PDCD11: variants seen among roughly 807,000 people sequenced by gnomAD.
The protein encoded by PDCD11 is protein RRP5 homolog.
PDCD11 carries 97 observed loss-of-function variants against 198.9 expected under a neutral mutation model. The ratio of observed to expected loss-of-function variants is 0.49; its 90% confidence interval spans 0.41 to 0.58. The LOEUF is 0.58. Among genes scored for constraint, PDCD11 ranks in the 20% least tolerant of loss-of-function variants. The probability of loss-of-function intolerance (pLI) is 0.00; values close to 1 mark genes in which losing one functional copy is unlikely to be tolerated. For synonymous variants in PDCD11, 893 were observed against 918.0 expected, an observed-to-expected ratio of 0.97 and a Z score of 0.49; for missense variants, 2,102 against 2,312.7, an observed-to-expected ratio of 0.91 and a Z score of 1.87.
At chr10:103,434,074 G>A in intron 23 of PDCD11, 37 bp downstream of exon 23, 6 of 1,543,884 alleles carry the variant, frequency 3.9e-6, no homozygotes, top group Non-Finnish European at 5.4e-6. Flanking sequence ...GGGGACCCAA[G>A]TTCCCTAAGC....
Position 103,417,793 on chromosome 10 carries a change from T to G in PDCD11, c.1772T>G (p.Val591Gly), listed in dbSNP as rs545102450. The G allele has an allele frequency of 6.2e-7, 1 of 1,613,122 alleles. No individual in the cohort carries two copies. The highest frequency in any genetic ancestry group is 2.2e-5 in the East Asian group (1 of 44,882). The change falls in exon 14 of 36, where the codon GTG becomes GGG. Residue 591 changes from valine to glycine, a missense_variant and splice_region_variant. Coordinates refer to ENST00000369797, the MANE Select transcript of PDCD11 (RefSeq NM_014976.2). Reference protein sequence around the residue: ...DPERVFYTGQVVKVVVLNCEP... With the variant: ...DPERVFYTGQGVKVVVLNCEP... Reference sequence around the variant, plus strand: ...CAAGCCTGTGTGGTTTCTTGCCAGGTGGTGAAGGTTGTCGTATTGAACTGT... The same window carrying G: ...CAAGCCTGTGTGGTTTCTTGCCAGGGGGTGAAGGTTGTCGTATTGAACTGT...
At chr10:103,423,514 G>T in intron 18 of PDCD11, 29 bp from the exon 19 acceptor site, 1 of 1,496,918 alleles carries the variant, frequency 6.7e-7, no homozygotes, top group East Asian at 2.3e-5. Flanking sequence ...GTTCCAGAAG[G>T]ATAATCACAC....
intron 16 of PDCD11, among the ~76,000 whole-genome samples, chr10:103,420,022 T>C (rs2031338883): frequency 7.2e-6 from 1 of 139,682 alleles, no homozygotes; most frequent in Non-Finnish European, 1.5e-5. Flanking sequence ...GGTCTTGAAC[T>C]CCTGACCTTA....
intron 14 of PDCD11, among the ~76,000 whole-genome samples, 156 bp downstream of exon 14, chr10:103,418,088 T>C (rs568876553): frequency 6.6e-6 from 1 of 152,294 alleles, no homozygotes; most frequent in South Asian, 2.1e-4. Context: ...CCTTCCTGTG[T>C]GTCAGAACAA....
intron 4 of PDCD11, among the ~76,000 whole-genome samples, chr10:103,403,923 T>G (rs1257120887): frequency 1.3e-5 from 2 of 152,164 alleles, no homozygotes; most frequent in African/African-American, 2.4e-5. Flanking sequence ...TTTGCATGAT[T>G]TGATGCTTGG....
chr10:103,399,108 T>C (rs1319387544), intron 2 of PDCD11, among the ~76,000 whole-genome samples: 1 of 109,758 alleles, frequency 9.1e-6, no homozygotes, highest in Non-Finnish European at 2.2e-5. Flanking sequence ...GAGGAAGCAG[T>C]TTTTTTTTTT....
intron 7 of PDCD11, 62 bp downstream of exon 7, chr10:103,406,852 G>T: frequency 2.2e-6 from 3 of 1,343,410 alleles, no homozygotes; most frequent in Admixed American, 4.2e-5. Flanking sequence ...AATATTAAAT[G>T]CATAAAGTCT....
intron 1 of PDCD11, among the ~76,000 whole-genome samples, chr10:103,397,298 GTCTC>G (rs2093441765): frequency 7.1e-6 from 1 of 141,348 alleles, no homozygotes; most frequent in East Asian, 2.1e-4. Context: ...CTTCAATACT[GTCTC>G]TCTTCATGTC....
At chr10:103,444,214 A>G (rs2032506626) in intron 34 of PDCD11, 146 bp downstream of exon 34, 9 of 692,012 alleles carry the variant, frequency 1.3e-5, no homozygotes, top group South Asian at 3.8e-5. Flanking sequence ...CCTCAGCATA[A>G]CAGTGCATGT....
In PDCD11 at chr10:103,418,342, G is replaced by A. The variant is rs2133705282; in HGVS notation, c.1912-98G>A. The A allele has an allele frequency of 3.2e-6, 3 of 942,438 alleles. No individual in the cohort carries two copies. In the South Asian group the frequency reaches 4.8e-5, roughly 15 times the overall value. 58.4% of individuals were successfully genotyped at this position (942,438 alleles called of 1,614,324 possible). On this transcript the variant is annotated intron_variant, in intron 14 of 35. Coordinates refer to ENST00000369797, the MANE Select transcript of PDCD11 (RefSeq NM_014976.2). ...AGAAAGCTGCCTCTTAGAGATCCTTGGTGCCGGAGTTTAATGCCTCCAAGC... is the reference window on the plus strand; with the variant it reads ...AGAAAGCTGCCTCTTAGAGATCCTTAGTGCCGGAGTTTAATGCCTCCAAGC...
chr10:103,397,681 G>A (rs2093444366), intron 1 of PDCD11, among the ~76,000 whole-genome samples: 1 of 152,202 alleles, frequency 6.6e-6, no homozygotes, highest in South Asian at 2.1e-4. Context: ...TGATCCACGC[G>A]CCTCGGGCTC....
chr10:103,408,269 A>G (rs2030582094), intron 7 of PDCD11, among the ~76,000 whole-genome samples: 1 of 151,736 alleles, frequency 6.6e-6, no homozygotes, highest in Non-Finnish European at 1.5e-5. Context: ...CATAGCCGGT[A>G]TCCTAGGACT....
At chr10:103,399,197 C>G (rs1315843714) in intron 2 of PDCD11, among the ~76,000 whole-genome samples, 1 of 150,460 alleles carries the variant, frequency 6.6e-6, no homozygotes, top group Non-Finnish European at 1.5e-5. Flanking sequence ...TTACAGGTGC[C>G]TGCTACCATA....
At chr10:103,437,645 G>A (rs565411972) in intron 25 of PDCD11, among the ~76,000 whole-genome samples, 29 of 152,094 alleles carry the variant, frequency 1.9e-4, no homozygotes, top group African/African-American at 4.8e-4. Context: ...CCGCCACCAC[G>A]CCCGGCTATT....
intron 8 of PDCD11, among the ~76,000 whole-genome samples, chr10:103,410,639 T>TA (rs1378975955): frequency 2.0e-5 from 3 of 150,364 alleles, no homozygotes; most frequent in Non-Finnish European, 4.4e-5. Flanking sequence ...GACAGTGTCT[T>TA]ACTCTGTCAC....
At chr10:103,442,123 G>A in intron 31 of PDCD11, 90 bp from the exon 32 acceptor site, 1 of 1,571,024 alleles carries the variant, frequency 6.4e-7, no homozygotes, top group Non-Finnish European at 8.7e-7. Context: ...TAGAGCCCTG[G>A]GCTGCCCAGC....
chr10:103,424,952 A>G, intron 19 of PDCD11, 32 bp from the exon 20 acceptor site: 1 of 1,608,218 alleles, frequency 6.2e-7, no homozygotes, highest in Non-Finnish European at 8.5e-7. Flanking sequence ...CTGTGTAAGG[A>G]AAGCAGGGAT....
At chr10:103,403,365 C>A in intron 4 of PDCD11, 80 bp downstream of exon 4, 1 of 1,349,178 alleles carries the variant, frequency 7.4e-7, no homozygotes, top group South Asian at 1.3e-5. Flanking sequence ...TTGCCAGGTG[C>A]TAAGAAGGGA....
At chr10:103,421,119 C>T (rs552672294) in intron 16 of PDCD11, among the ~76,000 whole-genome samples, 1 of 152,276 alleles carries the variant, frequency 6.6e-6, no homozygotes, top group African/African-American at 2.4e-5. Flanking sequence ...CATGATCTGC[C>T]CGCCTCGGCC....
Sources: allele counts gnomAD v4.1 joint callset (sites outside exome capture counted in the v4.1 genomes callset), GRCh38; gene constraint gnomAD v4.1.1; transcripts MANE v1.5; gene names NCBI Gene and HGNC (gene_info 2026-07-23, HGNC 2026-07-21).